The following CLCA2 variants were observed in gnomAD, a reference collection of about 807,000 sequenced individuals.
CLCA2 encodes the protein calcium-activated chloride channel regulator 2.
Under a neutral mutation model 82.9 loss-of-function variants are expected in CLCA2, and 85 were observed. The observed-to-expected ratio is 1.03, with a 90% CI of 0.86 to 1.23. CLCA2 has a LOEUF of 1.23. Among genes scored for constraint, CLCA2 ranks in the 50% most tolerant of loss-of-function variants. CLCA2 has a pLI of 0.00. For missense variants in CLCA2, 1,089 were observed against 1,124.8 expected (o/e 0.97, Z 0.45); for synonymous variants, 421 against 391.7 (o/e 1.07, Z -0.88).
chr1:86,434,896 A>G, intron 6 of CLCA2, 151 bp downstream of exon 6: 1 of 650,774 alleles, frequency 1.5e-6, no homozygotes, highest in South Asian at 1.9e-5. Context: ...TGCTGCACCT[A>G]TCAACCCATC....
chr1:86,439,392 C>T (rs1279296378), intron 7 of CLCA2, among the ~76,000 whole-genome samples: 1 of 152,186 alleles, frequency 6.6e-6, no homozygotes, highest in Non-Finnish European at 1.5e-5. Flanking sequence ...ACCTAAACAA[C>T]ATCTGGGCAT....
At chr1:86,443,028 T>C (rs971289898) in intron 9 of CLCA2, among the ~76,000 whole-genome samples, 2 of 144,918 alleles carry the variant, frequency 1.4e-5, no homozygotes, top group South Asian at 4.4e-4. Flanking sequence ...AATGGCTAAA[T>C]AATTTTTTTT....
rs1480732774 is a variant in CLCA2 at position 86,439,044 on chromosome 1, C to T, written c.1141C>T (p.Pro381Ser). 2 of 1,613,972 alleles carry T rather than the reference C, an allele frequency of 1.2e-6. No homozygotes were observed. The highest frequency in any genetic ancestry group is 2.7e-5 in the African/African-American group (2 of 74,916). ...DDRKLLVSYL[P>S]TTVSAKTDIS... is the part of the protein sequence containing the mutation. Reference sequence around the variant, plus strand: ...TCGAAAGTTGCTGGTTTCATATCTGCCCACCACTGTATCAGCTAAAACAGA... The same window carrying T: ...TCGAAAGTTGCTGGTTTCATATCTGTCCACCACTGTATCAGCTAAAACAGA... The change falls in exon 7 of 14, where the codon CCC becomes TCC. Residue 381 changes from proline (P) to serine (S), a missense_variant. Transcript: ENST00000370565.
chr1:86,447,924 A>G (rs1662889021), intron 11 of CLCA2, 146 bp downstream of exon 11: 6 of 787,646 alleles, frequency 7.6e-6, no homozygotes, highest in Admixed American at 2.8e-5. Flanking sequence ...TTATAGAGTC[A>G]CTGATATACT....
intron 6 of CLCA2, 75 bp downstream of exon 6, chr1:86,434,820 T>A: frequency 8.1e-7 from 1 of 1,234,330 alleles, no homozygotes; most frequent in Non-Finnish European, 1.2e-6. Flanking sequence ...CAATTTATTT[T>A]AAGTTCTGGG....
Position 86,455,471 on chromosome 1 carries a change from A to G in CLCA2, c.2776A>G (p.Thr926Ala). Residue 926 changes from threonine (T) to alanine (A), a missense_variant, in exon 14 of 14, where the codon ACT becomes GCT. Transcript: ENST00000370565. ...CCTTATTATAGTTGTGACACATCAT[A>G]CTTTAAGCAGGAAAAAGAGAGCAGA... The part of the protein sequence containing the change: ...ICLIIVVTHH[T>A]LSRKKRADKK... 6.6e-7 allele frequency: 1 copy of G among 1,526,214 alleles called. No individual in the cohort carries two copies. Among genetic ancestry groups the G allele is most frequent in the East Asian group, 2.3e-5 (1 of 43,518 alleles). The allele number at this position is 1,526,214 out of a possible 1,614,324, so 94.5% of individuals were successfully genotyped here. A position where few individuals can be genotyped will look rare whatever the true frequency, so the allele number is the denominator to read the frequency against.
At position 86,453,498 on chromosome 1, in the gene CLCA2, A is replaced by G; in HGVS notation, c.2285A>G (p.Asp762Gly). 1 of 1,614,168 alleles carries G rather than the reference A, an allele frequency of 6.2e-7. No homozygotes were observed. Among genetic ancestry groups the G allele is most frequent in the Middle Eastern group, 1.7e-4 (1 of 6,060 alleles). ...GGAGTTCCAGCTGGCCCCCACCCTG[A>G]TGTGTTTCCACCATGCAAAATTATT... ...VLGVPAGPHP[D>G]VFPPCKIIDL... The change falls in exon 13 of 14, where the codon GAT becomes GGT. Residue 762 changes from aspartate (D) to glycine (G), a missense_variant. Transcript: ENST00000370565.
At chr1:86,436,942 G>A (rs1355462001) in intron 6 of CLCA2, among the ~76,000 whole-genome samples, 4 of 152,116 alleles carry the variant, frequency 2.6e-5, no homozygotes, top group Non-Finnish European at 5.9e-5. Flanking sequence ...TCGAACTCCC[G>A]ACCTCAGGTG....
intron 7 of CLCA2, among the ~76,000 whole-genome samples, chr1:86,439,804 T>C (rs1662686047): frequency 6.6e-6 from 1 of 152,136 alleles, no homozygotes; most frequent in Admixed American, 6.5e-5. Context: ...CACATTTGAT[T>C]CTAACGTGTA....
intron 6 of CLCA2, among the ~76,000 whole-genome samples, chr1:86,436,460 A>T (rs1662611706): frequency 2.0e-5 from 3 of 152,200 alleles, no homozygotes; most frequent in Admixed American, 2.0e-4. Flanking sequence ...TCATAGGGTT[A>T]TTGAGAGGGG....
chr1:86,444,993 T>A (rs527659356), intron 10 of CLCA2, among the ~76,000 whole-genome samples: 35 of 152,084 alleles, frequency 2.3e-4, no homozygotes, highest in African/African-American at 8.4e-4. Flanking sequence ...ACCTCCCAGG[T>A]TCAAGCGATT....
rs763924355 is a variant in CLCA2, at chr1:86,453,513, G to A, written c.2300G>A (p.Cys767Tyr). 8 of 1,614,128 alleles carry A rather than the reference G, an allele frequency of 5.0e-6. No homozygotes were observed. In the South Asian group the frequency reaches 8.8e-5, roughly 18 times the overall value. The stretch of plus-strand genomic sequence containing the variant: ...CCCCACCCTGATGTGTTTCCACCAT[G>A]CAAAATTATTGACCTGGAAGCTGTA... ...AGPHPDVFPP[C>Y]KIIDLEAVKV... is the part of the protein sequence containing the mutation. Residue 767 changes from cysteine (C) to tyrosine (Y), a missense_variant, in exon 13 of 14, where the codon TGC (cysteine) becomes TAC (tyrosine). Physicochemically the swap from Cys to Tyr is radical, Grantham distance 194 (BLOSUM62 -2). Transcript: ENST00000370565.
chr1:86,427,941 A>G (rs914826771), intron 2 of CLCA2, among the ~76,000 whole-genome samples: 7 of 152,230 alleles, frequency 4.6e-5, no homozygotes, highest in African/African-American at 1.4e-4. Context: ...CTATTGTCTT[A>G]CACCAATAAA....
At position 86,440,148 on chromosome 1, in the gene CLCA2, G is replaced by C; in HGVS notation, c.1204G>C (p.Val402Leu). 6.2e-7 allele frequency: 1 copy of C among 1,613,512 alleles called. No individual in the cohort carries two copies. Among genetic ancestry groups the C allele is most frequent in the Non-Finnish European group, 8.5e-7 (1 of 1,179,730 alleles). ...CAAGTGACTAATTCTCTATGTTCAG[G>C]TGGTTGAAAAACTGAATGGAAAAGC... is the stretch of plus-strand genomic sequence containing the variant. ...ICSGLKKGFE[V>L]VEKLNGKAYG... The change falls in exon 8 of 14, where the codon GTG becomes CTG. Residue 402 changes from valine to leucine, a missense_variant and splice_region_variant. Transcript: ENST00000370565.
intron 2 of CLCA2, among the ~76,000 whole-genome samples, chr1:86,426,873 C>A (rs1025952450): frequency 3.9e-5 from 6 of 152,136 alleles, no homozygotes; most frequent in Admixed American, 2.6e-4. Flanking sequence ...ACACCAAAAC[C>A]AGGTTGCCAT....
intron 9 of CLCA2, 122 bp from the exon 10 acceptor site, chr1:86,443,665 C>G (rs575599053): frequency 2.8e-6 from 2 of 722,866 alleles, no homozygotes; most frequent in South Asian, 4.1e-5. Flanking sequence ...TGTATAACTA[C>G]AGTACCTGTC....
Position 86,440,225 on chromosome 1 carries a change from C to A in CLCA2, c.1281C>A (p.Gly427=). 6.2e-7 allele frequency: 1 copy of A among 1,614,102 alleles called. No individual in the cohort carries two copies. Among genetic ancestry groups the A allele is most frequent in the Non-Finnish European group, 8.5e-7 (1 of 1,179,978 alleles). ...LVTSGDDKLL[G]NCLPTVLSSG... ...CCAGCGGAGATGATAAGCTTCTTGG[C>A]AATTGCTTACCCACTGTGCTCAGCA... Residue 427 remains glycine (G), a synonymous_variant, in exon 8 of 14, where the codon GGC becomes GGA. Transcript: ENST00000370565.
chr1:86,447,707 C>T lies in CLCA2; in HGVS notation c.1913C>T (p.Ala638Val), dbSNP rs1273882084. ...VKQGFYPILN[A>V]TVTATVEPET... is the part of the protein sequence containing the mutation. ...CAGGGATTTTATCCCATTCTTAATG[C>T]CACTGTCACTGCCACAGTTGAGCCA... is the stretch of plus-strand genomic sequence containing the variant. Residue 638 changes from alanine to valine, a missense_variant, in exon 11 of 14, where the codon GCC (alanine) becomes GTC (valine). Physicochemically the swap from Ala to Val is moderately conservative, Grantham distance 64. Transcript: ENST00000370565. The T allele has an allele frequency of 6.2e-7, 1 of 1,613,886 alleles. No homozygotes were observed. Among genetic ancestry groups the T allele is most frequent in the Non-Finnish European group, 8.5e-7 (1 of 1,179,946 alleles).
At chr1:86,441,370 G>A (rs1662733968) in intron 8 of CLCA2, 67 bp from the exon 9 acceptor site, 1 of 955,476 alleles carries the variant, frequency 1.0e-6, no homozygotes, top group African/African-American at 1.6e-5. Flanking sequence ...GTTGGAAAAG[G>A]CTTAACATTT....
Sources: gnomAD v4.1 joint callset for allele counts (sites outside exome capture counted in the v4.1 genomes callset) on GRCh38, gnomAD v4.1.1 for gene constraint, MANE v1.5 for transcripts, NCBI Gene and HGNC (gene_info 2026-07-23, HGNC 2026-07-21) for gene names.